DTNB: variants seen among roughly 807,000 people sequenced by gnomAD.
DTNB encodes DTN-B.
In DTNB, 63 loss-of-function variants were observed where a neutral mutation model predicts 90.7. That is an observed-to-expected ratio of 0.69 (90% CI 0.57 to 0.86). The LOEUF is 0.86. Ranked by LOEUF, DTNB falls within the 40% of genes least tolerant of loss-of-function variation. DTNB has a pLI of 0.00. For missense variants in DTNB, 744 were observed against 807.1 expected (o/e 0.92, Z 0.95); for synonymous variants, 277 against 286.7 (o/e 0.97, Z 0.34).
rs77095260 is a variant in DTNB at position 25,630,315 on chromosome 2, G to A, written c.149-1931C>T. 2.9e-3 allele frequency among the ~76,000 whole-genome samples: 445 copies of A among 152,294 alleles called. 3 individuals carry two copies. The highest frequency in any genetic ancestry group is 0.01 in the African/African-American group (431 of 41,554). On this transcript the variant is annotated intron_variant, in intron 3 of 20. Coordinates refer to ENST00000406818, the MANE Select transcript of DTNB (RefSeq NM_021907.5). The stretch of plus-strand genomic sequence containing the variant: ...AATGCAAAAGCATGCAGCTGCTTTG[G>A]AAAACAATTTAGGAGTTCCTTAAGA...
intron 16 of DTNB, among the ~76,000 whole-genome samples, chr2:25,393,453 C>T (rs1001991654): frequency 5.3e-5 from 8 of 152,262 alleles, no homozygotes; most frequent in African/African-American, 1.9e-4. Flanking sequence ...TCACTGTTTG[C>T]TGATTATATG....
chr2:25,526,380 TATATATATATA>T (rs2077120359), intron 9 of DTNB, among the ~76,000 whole-genome samples: 3 of 52,244 alleles, frequency 5.7e-5, no homozygotes, highest in African/African-American at 2.3e-4. Flanking sequence ...TATATATATA[TATATATATATA>T]TATATTTTTT....
intron 8 of DTNB, among the ~76,000 whole-genome samples, chr2:25,532,852 CT>C (rs2078521268): frequency 6.6e-6 from 1 of 152,178 alleles, no homozygotes; most frequent in Non-Finnish European, 1.5e-5. Context: ...CCCCAATAGA[CT>C]TCTATATGCT....
Position 25,387,417 on chromosome 2 carries a change from T to A in DTNB, c.1736-39A>T, listed in dbSNP as rs201901089. 1.1e-5 allele frequency: 18 copies of A among 1,595,468 alleles called. No homozygotes were observed. The East Asian group carries it at 3.8e-4, about 34-fold the overall frequency. ...GAGCAGATGGGGATGCCAGGGTGGG[T>A]GAGCGTGGAGAAGAGACGGCTGAGC... On this transcript the variant is annotated intron_variant, in intron 17 of 20. Transcript: ENST00000406818. The surrounding 1 kb of genome is among the most constrained non-coding windows in gnomAD (Gnocchi z 4.5).
intron 12 of DTNB, among the ~76,000 whole-genome samples, chr2:25,434,788 C>CT (rs1375646750): frequency 1.3e-5 from 2 of 152,158 alleles, no homozygotes; most frequent in Non-Finnish European, 2.9e-5. Context: ...TCCCAAACTG[C>CT]TTTCTAAAGT....
At chr2:25,618,256 A>G (rs1482868191) in intron 4 of DTNB, among the ~76,000 whole-genome samples, 1 of 152,180 alleles carries the variant, frequency 6.6e-6, no homozygotes, top group African/African-American at 2.4e-5. Context: ...ACTAGAGGCA[A>G]GCAGAGAGAA....
chr2:25,481,628 G>A (rs1466184077), intron 10 of DTNB: 2 of 152,236 alleles, frequency 1.3e-5, no homozygotes, highest in Non-Finnish European at 2.9e-5. Flanking sequence ...CTCCATGCGG[G>A]TAATGTGTTA....
chr2:25,651,240 A>G (rs912487841), intron 2 of DTNB, among the ~76,000 whole-genome samples: 14 of 152,248 alleles, frequency 9.2e-5, no homozygotes, highest in Admixed American at 5.9e-4. Flanking sequence ...CAACAATTCT[A>G]TGAAGTCAAT....
Position 25,486,504 on chromosome 2 carries a change from C to T in DTNB, c.1002-3631G>A, listed in dbSNP as rs149947120. Among the ~76,000 whole-genome samples the T allele has an allele frequency of 7.9e-5, 12 of 151,852 alleles. No individual in the cohort carries two copies. In the South Asian group the frequency reaches 1.5e-3, roughly 18 times the overall value. On this transcript the variant is annotated intron_variant, in intron 9 of 20. Transcript: ENST00000406818. ...TAAAAATGAGTCTGGCATGGTTGCA[C>T]GTGCTGTAGTCCTAGCTACTCAGGA...
chr2:25,392,334 C>T (rs62131108), intron 16 of DTNB, among the ~76,000 whole-genome samples: 1 of 151,976 alleles, frequency 6.6e-6, no homozygotes, highest in South Asian at 2.1e-4. Flanking sequence ...CTCTTGAACC[C>T]GGGAGGTGGA....
intron 10 of DTNB, among the ~76,000 whole-genome samples, chr2:25,476,578 C>T (rs1235596928): frequency 6.6e-6 from 1 of 152,026 alleles, no homozygotes; most frequent in East Asian, 1.9e-4. Flanking sequence ...GAAATTGATT[C>T]CAACCCTCAT....
At chr2:25,635,703 G>A (rs1332007478) in intron 3 of DTNB, among the ~76,000 whole-genome samples, 1 of 152,166 alleles carries the variant, frequency 6.6e-6, no homozygotes, top group Non-Finnish European at 1.5e-5. Context: ...AAAAACACAG[G>A]AGAGTTGTTT....
chr2:25,486,892 C>T lies in DTNB; in HGVS notation c.1002-4019G>A, dbSNP rs146690624. 4.0e-3 allele frequency among the ~76,000 whole-genome samples: 611 copies of T among 152,216 alleles called. 4 individuals are homozygous for T. Among genetic ancestry groups the T allele is most frequent in the African/African-American group, 0.013 (559 of 41,530 alleles). On this transcript the variant is annotated intron_variant, in intron 9 of 20. Coordinates refer to ENST00000406818, the MANE Select transcript of DTNB (RefSeq NM_021907.5). ...TATCTTCCTTTGGTACAGATCTCAG[C>T]AAGGTATAGGCACTATTGAGTTTCA...
At chr2:25,662,440 TA>T (rs1050382770) in intron 1 of DTNB, among the ~76,000 whole-genome samples, 15 of 152,106 alleles carry the variant, frequency 9.9e-5, no homozygotes, top group Non-Finnish European at 2.2e-4. Context: ...AAAATAATAT[TA>T]TTTCCATAAA....
At chr2:25,585,822 T>A (rs2148272063) in intron 6 of DTNB, among the ~76,000 whole-genome samples, 1 of 152,334 alleles carries the variant, frequency 6.6e-6, no homozygotes, top group Admixed American at 6.5e-5. Context: ...AGATATTTTA[T>A]CTGACAAGGG....
At chr2:25,656,564 C>G (rs547824956) in intron 1 of DTNB, among the ~76,000 whole-genome samples, 31 of 152,304 alleles carry the variant, frequency 2.0e-4, no homozygotes, top group Non-Finnish European at 4.0e-4. Flanking sequence ...CAAACCCTGC[C>G]ATTTCCTTCC....
intron 8 of DTNB, among the ~76,000 whole-genome samples, chr2:25,557,540 G>T (rs1408318533): frequency 6.6e-6 from 1 of 152,136 alleles, no homozygotes; most frequent in African/African-American, 2.4e-5. Flanking sequence ...CTCTAAAACA[G>T]TGTTTTCCAA....
At chr2:25,531,675 T>G in intron 8 of DTNB, 78 bp from the exon 9 acceptor site, 1 of 1,522,746 alleles carries the variant, frequency 6.6e-7, no homozygotes, top group Non-Finnish European at 8.8e-7. Flanking sequence ...AAAAACTTTG[T>G]GACAAGAGTG....
chr2:25,543,453 C>T (rs531956874), intron 8 of DTNB, among the ~76,000 whole-genome samples: 7 of 152,026 alleles, frequency 4.6e-5, no homozygotes, highest in African/African-American at 1.2e-4. Flanking sequence ...TAGAGGTGCG[C>T]GCCACCACGC....
Sources: gnomAD v4.1 joint callset for allele counts (sites outside exome capture counted in the v4.1 genomes callset) on GRCh38, gnomAD v4.1.1 for gene constraint, Gnocchi (gnomAD v3.1) non-coding constraint, MANE v1.5 for transcripts, NCBI Gene and HGNC (gene_info 2026-07-23, HGNC 2026-07-21) for gene names.